Variants in TIGD2 observed in about 807,000 individuals in gnomAD.
TIGD2 encodes tigger transposable element derived 2.
A neutral mutation model predicts 27.0 loss-of-function variants in TIGD2; 14 were observed. That is an observed-to-expected ratio of 0.52 (90% CI 0.34 to 0.81). TIGD2 has a LOEUF of 0.81. Among genes scored for constraint, TIGD2 ranks in the 30% least tolerant of loss-of-function variants. TIGD2 has a pLI of 0.01. For missense variants in TIGD2, 590 were observed against 617.3 expected (o/e 0.96, Z 0.47); for synonymous variants, 201 against 209.0 (o/e 0.96, Z 0.33).
Position 89,114,290 on chromosome 4 carries a change from C to T in TIGD2, c.1316C>T (p.Ser439Leu), listed in dbSNP as rs1721170838. The T allele has an allele frequency of 1.9e-6, 3 of 1,614,094 alleles. No individual in the cohort carries two copies. In the East Asian group the frequency reaches 6.7e-5, roughly 36 times the overall value. Residue 439 changes from serine (S) to leucine (L), a missense_variant, in exon 2 of 2, where the codon TCA becomes TTA. By Grantham distance (145) the Ser-to-Leu change is moderately radical (BLOSUM62 -2). Transcript: ENST00000603357. Reference protein sequence around the residue: ...DQWFDSRSSDSSCQVLTDSES... With the variant: ...DQWFDSRSSDLSCQVLTDSES... ...TGGTTCGACTCTCGGAGCAGTGACT[C>T]AAGCTGTCAGGTGCTGACTGACAGT...
At position 89,113,115 on chromosome 4, in the gene TIGD2, G is replaced by C. The variant is rs1214614702; in HGVS notation, c.141G>C (p.Lys47Asn). Residue 47 changes from lysine to asparagine, a missense_variant, in exon 2 of 2, where the codon AAG becomes AAC. Lys to Asn is a moderately conservative substitution (Grantham distance 94, BLOSUM62 0). Transcript: ENST00000603357. ...AATCCACAGTTCGTGATATTAAAAA[G>C]AACAAAGAAAGGATTATAAACTATG... ...IGESTVRDIK[K>N]NKERIINYAN... 3 of 1,613,974 alleles carry C rather than the reference G, an allele frequency of 1.9e-6. No homozygotes were observed. In the East Asian group the frequency reaches 6.7e-5, roughly 36 times the overall value.
In TIGD2 at chr4:89,114,436, T is replaced by G; in HGVS notation, c.1462T>G (p.Leu488Val). 5 of 1,614,092 alleles carry G rather than the reference T, an allele frequency of 3.1e-6. No individual in the cohort carries two copies. Among genetic ancestry groups the G allele is most frequent in the Non-Finnish European group, 4.2e-6 (5 of 1,179,994 alleles). Residue 488 changes from leucine to valine, a missense_variant, in exon 2 of 2, where the codon TTA becomes GTA. This residue lies in a region of TIGD2 where 451 missense variants were observed against 448.0 expected (regional missense o/e 1.01). Coordinates refer to ENST00000603357, the MANE Select transcript of TIGD2 (RefSeq NM_145715.3). ...AGCGGCACTTGAATGGACTGAAAAT[T>G]TACTGGATTATCTTGAACAACAAGA... The part of the protein sequence containing the change: ...HKAALEWTEN[L>V]LDYLEQQDDM...
chr4:89,114,111 TACC>T lies in TIGD2; in HGVS notation c.1139_1141del (p.Thr380del). The T allele has an allele frequency of 6.2e-7, 1 of 1,614,138 alleles. No homozygotes were observed. Among genetic ancestry groups the T allele is most frequent in the Non-Finnish European group, 8.5e-7 (1 of 1,180,002 alleles). On this transcript the variant is annotated inframe_deletion, in exon 2 of 2. Transcript: ENST00000603357. ...GAGCTTGGAACATGGTAAAATCAAGTACCATAACCAAAGCATGGAAAAAACTTT... is the reference window on the plus strand; with the variant it reads ...GAGCTTGGAACATGGTAAAATCAAGTATAACCAAAGCATGGAAAAAACTTT...
chr4:89,113,107 A>G lies in TIGD2; in HGVS notation c.133A>G (p.Ile45Val), dbSNP rs915808421. 6.2e-7 allele frequency: 1 copy of G among 1,613,948 alleles called. No individual in the cohort carries two copies. The highest frequency in any genetic ancestry group is 8.5e-7 in the Non-Finnish European group (1 of 1,180,026). ...AATTGGTGAATCCACAGTTCGTGATATTAAAAAGAACAAAGAAAGGATTAT... is the reference window on the plus strand; with the variant it reads ...AATTGGTGAATCCACAGTTCGTGATGTTAAAAAGAACAAAGAAAGGATTAT... ...YGIGESTVRD[I>V]KKNKERIINY... Residue 45 changes from isoleucine to valine, a missense_variant, in exon 2 of 2, where the codon ATT (isoleucine) becomes GTT (valine). Physicochemically the swap from Ile to Val is conservative, Grantham distance 29. This residue lies in a region of TIGD2 where 92 missense variants were observed against 89.6 expected (regional missense o/e 1.03). Transcript: ENST00000603357.
Position 89,114,233 on chromosome 4 carries a change from G to A in TIGD2, c.1259G>A (p.Cys420Tyr). 1 of 1,614,174 alleles carries A rather than the reference G, an allele frequency of 6.2e-7. No homozygotes were observed. Among genetic ancestry groups the A allele is most frequent in the Non-Finnish European group, 8.5e-7 (1 of 1,180,038 alleles). ...LATVLQNTEE[C>Y]EHVDIENIDQ... ...ACAGTTTTACAGAACACAGAAGAAT[G>A]TGAACATGTTGACATTGAGAATATT... Residue 420 changes from cysteine (C) to tyrosine (Y), a missense_variant, in exon 2 of 2, where the codon TGT becomes TAT. By Grantham distance (194) the Cys-to-Tyr change is radical. This residue lies in a region of TIGD2 where 451 missense variants were observed against 448.0 expected (regional missense o/e 1.01). Transcript: ENST00000603357.
rs1721105942 is a variant in TIGD2, at chr4:89,112,268, C to T, written c.-707C>T. The T allele has an allele frequency of 6.6e-6, 1 of 152,232 alleles. No homozygotes were observed. Among genetic ancestry groups the T allele is most frequent in the Non-Finnish European group, 1.5e-5 (1 of 68,076 alleles). 9.4% of individuals were successfully genotyped at this position (152,232 alleles called of 1,614,324 possible). A position where few individuals can be genotyped will look rare whatever the true frequency, so the allele number is the denominator to read the frequency against. ...AATGTGACATCACATGTCCACTATCCTCCTTTCCAGCTGCCAAATCTAGTA... is the reference window on the plus strand; with the variant it reads ...AATGTGACATCACATGTCCACTATCTTCCTTTCCAGCTGCCAAATCTAGTA... On this transcript the variant is annotated 5_prime_UTR_variant, in exon 2 of 2. Transcript: ENST00000603357.
chr4:89,111,479 A>G (rs1201282344), upstream of TIGD2: 1 of 151,854 alleles, frequency 6.6e-6, no homozygotes, highest in Non-Finnish European at 1.5e-5. Context: ...TCACCCGCGC[A>G]GGCCCCGCCC....
chr4:89,113,950 A>G lies in TIGD2; in HGVS notation c.976A>G (p.Met326Val), dbSNP rs759058560. ...PPNVTSLIQP[M>V]SQGVLATVKR... ...AAATGTCACAAGTCTGATTCAACCA[A>G]TGAGCCAGGGAGTTCTAGCCACTGT... is the stretch of plus-strand genomic sequence containing the variant. Residue 326 changes from methionine (M) to valine (V), a missense_variant, in exon 2 of 2, where the codon ATG (methionine) becomes GTG (valine). By Grantham distance (21) the Met-to-Val change is conservative. Coordinates refer to ENST00000603357, the MANE Select transcript of TIGD2 (RefSeq NM_145715.3). 4.3e-6 allele frequency: 7 copies of G among 1,614,072 alleles called. No homozygotes were observed. Among genetic ancestry groups the G allele is most frequent in the East Asian group, 2.2e-5 (1 of 44,882 alleles).
In TIGD2 at chr4:89,114,239, A is replaced by G. The variant is rs758651005; in HGVS notation, c.1265A>G (p.His422Arg). ...TVLQNTEECE[H>R]VDIENIDQWF... ...TTACAGAACACAGAAGAATGTGAAC[A>G]TGTTGACATTGAGAATATTGATCAG... Residue 422 changes from histidine (H) to arginine (R), a missense_variant, in exon 2 of 2, where the codon CAT becomes CGT. By Grantham distance (29) the His-to-Arg change is conservative. Around this residue, in one of 3 missense-constraint regions of TIGD2, gnomAD observed 451 missense variants for 448.0 expected, o/e 1.01. Coordinates refer to ENST00000603357, the MANE Select transcript of TIGD2 (RefSeq NM_145715.3). 5 of 1,614,042 alleles carry G rather than the reference A, an allele frequency of 3.1e-6. No individual in the cohort carries two copies. In the African/African-American group the frequency reaches 4.0e-5, roughly 13 times the overall value.
Position 89,114,582 on chromosome 4 carries a change from C to T in TIGD2, c.*30C>T. The T allele has an allele frequency of 6.5e-7, 1 of 1,532,212 alleles. No individual in the cohort carries two copies. Among genetic ancestry groups the T allele is most frequent in the Non-Finnish European group, 8.8e-7 (1 of 1,138,114 alleles). The allele number at this position is 1,532,212 out of a possible 1,614,324, so 94.9% of individuals were successfully genotyped here. ...GCTCTTAAGTATTTCAGTGTATCTGCATCTTTGTGACTATCTGCAGTGAAA... is the reference window on the plus strand; with the variant it reads ...GCTCTTAAGTATTTCAGTGTATCTGTATCTTTGTGACTATCTGCAGTGAAA... On this transcript the variant is annotated 3_prime_UTR_variant, in exon 2 of 2. Transcript: ENST00000603357.
rs759693215 is a variant in TIGD2 at position 89,113,711 on chromosome 4, C to A, written c.737C>A (p.Pro246His). The A allele has an allele frequency of 8.7e-6, 14 of 1,614,056 alleles. No homozygotes were observed. Among genetic ancestry groups the A allele is most frequent in the Non-Finnish European group, 1.0e-5 (12 of 1,180,044 alleles). Residue 246 changes from proline to histidine, a missense_variant, in exon 2 of 2, where the codon CCT becomes CAT. By Grantham distance (77) the Pro-to-His change is moderately conservative. Coordinates refer to ENST00000603357, the MANE Select transcript of TIGD2 (RefSeq NM_145715.3). ...AAAGGCACTGACCTTTCAAACCTTC[C>A]TGTGACATATTACAGTCAAAAAGGT... ...AFKGTDLSNL[P>H]VTYYSQKGAW...
rs1721137558 is a variant in TIGD2 at position 89,113,080 on chromosome 4, G to A, written c.106G>A (p.Gly36Arg). 2.5e-6 allele frequency: 4 copies of A among 1,613,888 alleles called. No individual in the cohort carries two copies. Among genetic ancestry groups the A allele is most frequent in the Non-Finnish European group, 3.4e-6 (4 of 1,179,992 alleles). The stretch of plus-strand genomic sequence containing the variant: ...TTTCAAAAAACTTTCCGTGGTGTAC[G>A]GAATTGGTGAATCCACAGTTCGTGA... ...ISFKKLSVVY[G>R]IGESTVRDIK... Residue 36 changes from glycine (G) to arginine (R), a missense_variant, in exon 2 of 2, where the codon GGA (glycine) becomes AGA (arginine). Gly to Arg is a moderately radical substitution (Grantham distance 125, BLOSUM62 -2). Transcript: ENST00000603357.
chr4:89,114,030 C>T lies in TIGD2; in HGVS notation c.1056C>T (p.Asp352=), dbSNP rs749695523. The change falls in exon 2 of 2, where the codon GAC becomes GAT. Residue 352 remains aspartate (D), a synonymous_variant. Transcript: ENST00000603357. ...AGAAATACATGGATGAAGGAAATGACCCAAAAATATTTTGGAAGAACTTGA... is the reference window on the plus strand; with the variant it reads ...AGAAATACATGGATGAAGGAAATGATCCAAAAATATTTTGGAAGAACTTGA... ...LLQKYMDEGN[D]PKIFWKNLTV... 23 of 1,613,834 alleles carry T rather than the reference C, an allele frequency of 1.4e-5. No individual in the cohort carries two copies. The highest frequency in any genetic ancestry group is 2.2e-5 in the East Asian group (1 of 44,894).
chr4:89,112,051 T>C lies in TIGD2; in HGVS notation c.-908-16T>C, dbSNP rs1034324764. 2 of 152,222 alleles carry C rather than the reference T, an allele frequency of 1.3e-5. No homozygotes were observed. The highest frequency in any genetic ancestry group is 2.4e-5 in the African/African-American group (1 of 41,444). 9.4% of individuals were successfully genotyped at this position (152,222 alleles called of 1,614,324 possible). ...ATGTTGAATTGAAAGAAAATGTTTT[T>C]GGTATTTTCCTTTAGGTTTCGGAGC... On this transcript the variant is annotated splice_polypyrimidine_tract_variant and intron_variant, in intron 1 of 1. Coordinates refer to ENST00000603357, the MANE Select transcript of TIGD2 (RefSeq NM_145715.3).
In TIGD2 at chr4:89,114,827, T is replaced by C; in HGVS notation, c.*275T>C. ...GATCTTGTGTCTGTTGTGCCTGAATTTGGCGTGTCTAATAAAGGCCCATGC... is the reference window on the plus strand; with the variant it reads ...GATCTTGTGTCTGTTGTGCCTGAATCTGGCGTGTCTAATAAAGGCCCATGC... On this transcript the variant is annotated 3_prime_UTR_variant, in exon 2 of 2. Coordinates refer to ENST00000603357, the MANE Select transcript of TIGD2 (RefSeq NM_145715.3). 3.2e-6 allele frequency: 1 copy of C among 315,234 alleles called. No individual in the cohort carries two copies. Among genetic ancestry groups the C allele is most frequent in the African/African-American group, 2.1e-5 (1 of 46,548 alleles). 19.5% of individuals were successfully genotyped at this position (315,234 alleles called of 1,614,324 possible).
chr4:89,112,931 A>C lies in TIGD2; in HGVS notation c.-44A>C. 1 of 1,459,508 alleles carries C rather than the reference A, an allele frequency of 6.9e-7. No homozygotes were observed. Among genetic ancestry groups the C allele is most frequent in the Middle Eastern group, 1.8e-4 (1 of 5,516 alleles). 90.4% of individuals were successfully genotyped at this position (1,459,508 alleles called of 1,614,324 possible). On this transcript the variant is annotated 5_prime_UTR_variant, in exon 2 of 2. Coordinates refer to ENST00000603357, the MANE Select transcript of TIGD2 (RefSeq NM_145715.3). ...GCTTTGTATTCAAATCTTAGTTGTT[A>C]ATTATCTTGTTCTAGTAATCACCTA...
chr4:89,111,193 C>A (rs1158630095), upstream of TIGD2: 2 of 985,538 alleles, frequency 2.0e-6, no homozygotes, highest in Non-Finnish European at 2.4e-6. Context: ...CCGCTCCCGG[C>A]ACGCGAGGAT....
Position 89,113,896 on chromosome 4 carries a change from G to A in TIGD2, c.922G>A (p.Gly308Ser), listed in dbSNP as rs781118161. 18 of 1,614,166 alleles carry A rather than the reference G, an allele frequency of 1.1e-5. No individual in the cohort carries two copies. Among genetic ancestry groups the A allele is most frequent in the Non-Finnish European group, 1.5e-5 (18 of 1,180,038 alleles). The change falls in exon 2 of 2, where the codon GGC becomes AGC. Residue 308 changes from glycine to serine, a missense_variant. Transcript: ENST00000603357. ...TGAAGAAATGTTGAGTTCAGATGAT[G>A]GCAGAATAATTGTGAAGTATTTGCC... ...PNEEMLSSDD[G>S]RIIVKYLPPN... is the part of the protein sequence containing the mutation.
At position 89,113,205 on chromosome 4, in the gene TIGD2, G is replaced by A. The variant is rs1721143101; in HGVS notation, c.231G>A (p.Glu77=). 5 of 1,613,968 alleles carry A rather than the reference G, an allele frequency of 3.1e-6. No individual in the cohort carries two copies. Among genetic ancestry groups the A allele is most frequent in the African/African-American group, 1.3e-5 (1 of 74,922 alleles). The change falls in exon 2 of 2, where the codon GAG becomes GAA. Residue 77 remains glutamate (E), a synonymous_variant. Coordinates refer to ENST00000603357, the MANE Select transcript of TIGD2 (RefSeq NM_145715.3). ...KRKSMKSSTY[E]ELDRVMIEWF... is the part of the protein sequence containing the mutation. ...AATCTATGAAGTCATCAACATACGA[G>A]GAGCTTGATAGAGTTATGATAGAGT...
Sources: allele counts gnomAD v4.1 joint callset, GRCh38; gene constraint gnomAD v4.1.1; regional missense constraint gnomAD v4.1.1; transcripts MANE v1.5; gene names NCBI Gene and HGNC (gene_info 2026-07-23, HGNC 2026-07-21).